The following ASPRV1 variants were observed in gnomAD, a reference collection of about 807,000 sequenced individuals.
ASPRV1 encodes the protein aspartic peptidase retroviral like 1.
ASPRV1 carries 7 observed loss-of-function variants against 11.0 expected under a neutral mutation model. The ratio of observed to expected loss-of-function variants is 0.64; its 90% confidence interval spans 0.36 to 1.20. The LOEUF (loss-of-function observed/expected upper bound fraction) is 1.20. Ranked by LOEUF, ASPRV1 falls within the 50% of genes most tolerant of loss-of-function variation. ASPRV1 has a pLI of 0.02. For synonymous variants in ASPRV1, 136 were observed against 138.4 expected (o/e 0.98, Z 0.12); for missense variants, 299 against 320.0 (o/e 0.93, Z 0.50).
chr2:69,990,162 TTTTG>T, the ASPRV1 span, among the ~76,000 whole-genome samples: 2,001 of 152,252 alleles, frequency 0.013, 45 homozygotes, highest in African/African-American at 0.046. Context: ...CCCTTTTTAT[TTTTG>T]TTTGTTTATG....
the ASPRV1 span, among the ~76,000 whole-genome samples, chr2:70,018,629 A>G: frequency 1.3e-5 from 2 of 152,252 alleles, no homozygotes; most frequent in Non-Finnish European, 2.9e-5. Flanking sequence ...ATGTATTTAC[A>G]GTCAACTGAT....
At chr2:70,074,704 T>G in the ASPRV1 span, among the ~76,000 whole-genome samples, 1 of 151,968 alleles carries the variant, frequency 6.6e-6, no homozygotes, top group Non-Finnish European at 1.5e-5. Context: ...GTCAAAATCT[T>G]CCCATTTTTC....
the ASPRV1 span, among the ~76,000 whole-genome samples, chr2:69,998,992 C>T: frequency 1.3e-5 from 2 of 152,242 alleles, no homozygotes; most frequent in African/African-American, 4.8e-5. Context: ...AGGACTGTCT[C>T]TGGGCCAGGG....
At chr2:69,943,620 C>T in the ASPRV1 span, among the ~76,000 whole-genome samples, 3 of 152,168 alleles carry the variant, frequency 2.0e-5, no homozygotes, top group African/African-American at 7.2e-5. Context: ...CATACTAACC[C>T]ATCTGGTTAG....
At chr2:69,980,516 A>T in the ASPRV1 span, among the ~76,000 whole-genome samples, 6 of 152,198 alleles carry the variant, frequency 3.9e-5, no homozygotes, top group Admixed American at 3.9e-4. Flanking sequence ...GAAGTCTCAC[A>T]AATATTCACA....
chr2:69,982,523 G>A, the ASPRV1 span, among the ~76,000 whole-genome samples: 1 of 152,248 alleles, frequency 6.6e-6, no homozygotes, highest in South Asian at 2.1e-4. Flanking sequence ...AGAGCTTTCT[G>A]GCCATATGGG....
At chr2:69,935,397 C>G in the ASPRV1 span, 1 of 1,614,050 alleles carries the variant, frequency 6.2e-7, no homozygotes, top group Non-Finnish European at 8.5e-7. Context: ...GGGGCTGGTG[C>G]CACTTGGACC....
the ASPRV1 span, among the ~76,000 whole-genome samples, chr2:70,085,241 G>A: frequency 6.6e-6 from 1 of 152,314 alleles, no homozygotes; most frequent in South Asian, 2.1e-4. Flanking sequence ...CCCAGAGGCA[G>A]GTAGGCTCAA....
chr2:70,027,801 A>T, the ASPRV1 span, among the ~76,000 whole-genome samples: 2 of 152,238 alleles, frequency 1.3e-5, no homozygotes, highest in Admixed American at 1.3e-4. Context: ...TACAGTTAAT[A>T]ATCTGTCATG....
At chr2:69,963,634 T>C (rs1678217869), upstream of ASPRV1, 1 of 362,132 alleles carries the variant, frequency 2.8e-6, no homozygotes, top group African/African-American at 2.1e-5. Context: ...GATGTTGAAT[T>C]CCGATCTCCC....
chr2:70,005,242 T>G, the ASPRV1 span, among the ~76,000 whole-genome samples: 274 of 152,248 alleles, frequency 1.8e-3, 1 homozygote, highest in African/African-American at 6.3e-3. Context: ...AAACTTTTTG[T>G]GGAGACGGGG....
chr2:69,988,694 A>G, the ASPRV1 span: 1 of 447,076 alleles, frequency 2.2e-6, no homozygotes, highest in South Asian at 1.6e-5. Context: ...TGTTATATAT[A>G]TTTTACCACA....
At chr2:70,005,222 G>A in the ASPRV1 span, among the ~76,000 whole-genome samples, 2 of 152,098 alleles carry the variant, frequency 1.3e-5, no homozygotes, top group African/African-American at 4.8e-5. Flanking sequence ...ACTATACTCT[G>A]CTAATTTTTA....
the ASPRV1 span, among the ~76,000 whole-genome samples, chr2:70,053,103 C>A: frequency 6.6e-6 from 1 of 152,222 alleles, no homozygotes; most frequent in Admixed American, 6.5e-5. Flanking sequence ...GCCCATTTAC[C>A]GCAGAGATTC....
At chr2:70,052,789 C>T in the ASPRV1 span, among the ~76,000 whole-genome samples, 12 of 152,290 alleles carry the variant, frequency 7.9e-5, no homozygotes, top group Non-Finnish European at 1.5e-5. Flanking sequence ...GGCACAACTC[C>T]TCCCTGCACA....
the ASPRV1 span, among the ~76,000 whole-genome samples, chr2:70,010,313 C>T: frequency 3.6e-4 from 55 of 152,188 alleles, no homozygotes; most frequent in African/African-American, 1.3e-3. Context: ...GAGGGAGCCA[C>T]AAAGTCTACA....
At chr2:69,972,110 G>A in the ASPRV1 span, among the ~76,000 whole-genome samples, 1 of 151,756 alleles carries the variant, frequency 6.6e-6, no homozygotes, top group South Asian at 2.1e-4. Context: ...CACCCAGGCT[G>A]GAGTGCAGTG....
At chr2:69,935,369 G>C in the ASPRV1 span, 1 of 1,614,000 alleles carries the variant, frequency 6.2e-7, no homozygotes, top group Non-Finnish European at 8.5e-7. Flanking sequence ...ATCTTCGCTT[G>C]TGCCTGGAGA....
chr2:70,052,401 T>C, the ASPRV1 span, among the ~76,000 whole-genome samples: 3 of 152,176 alleles, frequency 2.0e-5, no homozygotes, highest in African/African-American at 7.2e-5. Context: ...AGTAACAAGA[T>C]ATGACTCCAT....
Sources: gnomAD v4.1 joint callset for allele counts (sites outside exome capture counted in the v4.1 genomes callset) on GRCh38, gnomAD v4.1.1 for gene constraint, MANE v1.5 for transcripts, NCBI Gene and HGNC (gene_info 2026-07-23, HGNC 2026-07-21) for gene names.